The following ABCC12 variants were observed in gnomAD, a reference collection of about 807,000 sequenced individuals.
The protein encoded by ABCC12 is ATP-binding cassette sub-family C member 12.
A neutral mutation model predicts 151.1 loss-of-function variants in ABCC12; 142 were observed. The ratio of observed to expected loss-of-function variants is 0.94; its 90% CI spans 0.82 to 1.08. The LOEUF (loss-of-function observed/expected upper bound fraction) is 1.08. Ranked by LOEUF, ABCC12 falls within the 50% of genes least tolerant of loss-of-function variation. The pLI is 0.00. For missense variants in ABCC12, 1,638 were observed against 1,691.1 expected (o/e 0.97, Z 0.55); for synonymous variants, 645 against 646.4 (o/e 1.00, Z 0.03).
In ABCC12 at chr16:48,108,462, G is replaced by A. The variant is rs1215891604; in HGVS notation, c.2349C>T (p.His783=). The part of the protein sequence containing the change: ...QEGTVTWKTY[H]TYIKASGGYL... ...AACCTCCAGAAGCCTTAATGTACGT[G>A]TGATATGTTTTCCAGGTCACGGTTC... Residue 783 remains histidine, a synonymous_variant, in exon 19 of 31, where the codon CAC becomes CAT. Coordinates refer to ENST00000311303, the MANE Select transcript of ABCC12 (RefSeq NM_001393797.1). The A allele has an allele frequency of 7.4e-6, 12 of 1,614,062 alleles. No individual in the cohort carries two copies. Among genetic ancestry groups the A allele is most frequent in the African/African-American group, 4.0e-5 (3 of 74,946 alleles).
chr16:48,127,174 A>G (rs1964268008), intron 11 of ABCC12, among the ~76,000 whole-genome samples: 1 of 152,184 alleles, frequency 6.6e-6, no homozygotes, highest in Non-Finnish European at 1.5e-5. Context: ...TTGCATAATA[A>G]ATAAGAACCT....
rs201162966 is a variant in ABCC12, at chr16:48,138,267, T to A, written c.940A>T (p.Met314Leu). ...GTAAAAGATTTCTCCCAGGCATACA[T>A]TTTGATCAGCCTGATGCAGGTCAGA... Reference protein sequence around the residue: ...EFLTCIRLIKMYAWEKSFTNT... With the variant: ...EFLTCIRLIKLYAWEKSFTNT... The change falls in exon 8 of 31, where the codon ATG (methionine) becomes TTG (leucine). Residue 314 changes from methionine (M) to leucine (L), a missense_variant. Physicochemically the swap from Met to Leu is conservative, Grantham distance 15. Coordinates refer to ENST00000311303, the MANE Select transcript of ABCC12 (RefSeq NM_001393797.1). 4 of 1,612,520 alleles carry A rather than the reference T, an allele frequency of 2.5e-6. No homozygotes were observed. The highest frequency in any genetic ancestry group is 3.4e-6 in the Non-Finnish European group (4 of 1,178,742).
intron 23 of ABCC12, among the ~76,000 whole-genome samples, chr16:48,099,434 T>C (rs1329445223): frequency 2.0e-5 from 3 of 152,094 alleles, no homozygotes; most frequent in Non-Finnish European, 4.4e-5. Context: ...TTAATGCAAT[T>C]CCAAACTTAG....
intron 11 of ABCC12, among the ~76,000 whole-genome samples, chr16:48,125,613 A>C (rs1226369203): frequency 6.6e-6 from 1 of 152,190 alleles, no homozygotes; most frequent in African/African-American, 2.4e-5. Context: ...ATGTCCACTC[A>C]TGTTCAAGCA....
chr16:48,125,706 C>T (rs1964217239), intron 11 of ABCC12, among the ~76,000 whole-genome samples: 1 of 152,212 alleles, frequency 6.6e-6, no homozygotes, highest in Admixed American at 6.5e-5. Context: ...CAAAGATGCC[C>T]AACATGGGGC....
chr16:48,092,150 G>A (rs533826556), intron 24 of ABCC12, among the ~76,000 whole-genome samples: 1 of 152,340 alleles, frequency 6.6e-6, no homozygotes, highest in South Asian at 2.1e-4. Context: ...GCGGGCATCT[G>A]ACTCCACAAC....
chr16:48,148,598 G>A (rs188196862), intron 2 of ABCC12, among the ~76,000 whole-genome samples: 1 of 152,086 alleles, frequency 6.6e-6, no homozygotes, highest in East Asian at 1.9e-4. Flanking sequence ...CTAATTCAAT[G>A]AGAGTATTAG....
At chr16:48,152,357 G>A (rs1214397112) in intron 2 of ABCC12, among the ~76,000 whole-genome samples, 2 of 152,188 alleles carry the variant, frequency 1.3e-5, no homozygotes, top group Admixed American at 6.5e-5. Flanking sequence ...AAGAAAAGAA[G>A]CCTGAACCCA....
At chr16:48,145,138 T>C (rs964607013) in intron 3 of ABCC12, among the ~76,000 whole-genome samples, 2 of 152,160 alleles carry the variant, frequency 1.3e-5, no homozygotes, top group Non-Finnish European at 2.9e-5. Context: ...CTAGGAATAA[T>C]AGCCCACGTC....
chr16:48,152,957 T>C (rs942399547), intron 2 of ABCC12, among the ~76,000 whole-genome samples: 1 of 152,170 alleles, frequency 6.6e-6, no homozygotes, highest in Non-Finnish European at 1.5e-5. Flanking sequence ...AGAAAATTAA[T>C]TTGCTATAAA....
intron 3 of ABCC12, 103 bp downstream of exon 3, chr16:48,146,203 C>A: frequency 1.0e-6 from 1 of 996,078 alleles, no homozygotes; most frequent in Non-Finnish European, 1.6e-6. Flanking sequence ...AAAGGACGAG[C>A]AGATAGAGCA....
At position 48,082,601 on chromosome 16, in the gene ABCC12, C is replaced by T. The variant is rs1305152740; in HGVS notation, c.*1114G>A. ...CACGTCTGGGGAAGCAAGTACGTGA[C>T]CAACACTTACAAGGGAAGTGGGGTG... On this transcript the variant is annotated 3_prime_UTR_variant, in exon 31 of 31. Transcript: ENST00000311303. 6.6e-6 allele frequency among the ~76,000 whole-genome samples: 1 copy of T among 152,166 alleles called. No individual in the cohort carries two copies. The highest frequency in any genetic ancestry group is 1.9e-4 in the East Asian group (1 of 5,194).
intron 24 of ABCC12, among the ~76,000 whole-genome samples, chr16:48,095,655 A>G (rs1963070476): frequency 1.3e-5 from 2 of 152,286 alleles, no homozygotes; most frequent in Admixed American, 1.3e-4. Flanking sequence ...AAAAAGAAAC[A>G]TAGAGAATTG....
Position 48,128,613 on chromosome 16 carries a change from T to C in ABCC12, c.1361A>G (p.Lys454Arg). ...EHEASRKSTPKKLQNQKRHLC... is the reference protein window; with the variant it reads ...EHEASRKSTPRKLQNQKRHLC... ...ATGCCTTTTCTGGTTCTGCAATTTC[T>C]TTGGGGTACTTTTCCTGCTGGCTTC... Residue 454 changes from lysine (K) to arginine (R), a missense_variant, in exon 11 of 31, where the codon AAG becomes AGG. Physicochemically the swap from Lys to Arg is conservative, Grantham distance 26. Transcript: ENST00000311303. 6.2e-7 allele frequency: 1 copy of C among 1,614,242 alleles called. No individual in the cohort carries two copies. Among genetic ancestry groups the C allele is most frequent in the African/African-American group, 1.3e-5 (1 of 75,058 alleles).
intron 2 of ABCC12, among the ~76,000 whole-genome samples, chr16:48,153,400 G>A (rs1445254368): frequency 6.6e-6 from 1 of 151,458 alleles, no homozygotes; most frequent in African/African-American, 2.4e-5. Flanking sequence ...TTTTCCTTCT[G>A]TGGAACTAAA....
rs780785150 is a variant in ABCC12 at position 48,143,999 on chromosome 16, C to T, written c.186G>A (p.Pro62=). 6.3e-5 allele frequency: 101 copies of T among 1,614,084 alleles called. No homozygotes were observed. Among genetic ancestry groups the T allele is most frequent in the South Asian group, 7.7e-5 (7 of 91,088 alleles). Residue 62 remains proline (P), a synonymous_variant, in exon 4 of 31, where the codon CCG becomes CCA. Transcript: ENST00000311303. ...LSFATFSWLT[P]VMVKGYRQRL... ...TTTGCCGGTAGCCTTTCACCATCAC[C>T]GGCGTGAGCCAGGAAAATGTGGCGA...
chr16:48,098,832 C>G (rs1297338868), intron 23 of ABCC12, among the ~76,000 whole-genome samples: 1 of 152,160 alleles, frequency 6.6e-6, no homozygotes, highest in Non-Finnish European at 1.5e-5. Context: ...ATTCTTGGCT[C>G]CCTATAGGAT....
At chr16:48,091,903 T>C (rs144489590) in intron 24 of ABCC12, among the ~76,000 whole-genome samples, 577 of 152,254 alleles carry the variant, frequency 3.8e-3, no homozygotes, top group Non-Finnish European at 6.1e-3. Context: ...TTAGCAAGGA[T>C]CTTGATATCA....
chr16:48,131,812 T>C (rs543530497), intron 9 of ABCC12, among the ~76,000 whole-genome samples: 3 of 152,162 alleles, frequency 2.0e-5, no homozygotes, highest in African/African-American at 4.8e-5. Context: ...AGTCCCTTCA[T>C]TAAAAGGATA....
Sources: gnomAD v4.1 joint callset for allele counts (sites outside exome capture counted in the v4.1 genomes callset) on GRCh38, gnomAD v4.1.1 for gene constraint, MANE v1.5 for transcripts, NCBI Gene and HGNC (gene_info 2026-07-23, HGNC 2026-07-21) for gene names.